Variants in MAP2 observed in about 807,000 individuals in gnomAD.
MAP2 encodes the protein microtubule associated protein 2.
MAP2 carries 14 observed loss-of-function variants against 137.6 expected under a neutral mutation model. The observed-to-expected ratio is 0.10, with a 90% CI of 0.07 to 0.16. MAP2 has a LOEUF of 0.16. Among genes scored for constraint, MAP2 ranks in the 10% least tolerant of loss-of-function variants. MAP2 has a pLI of 1.00. For missense variants in MAP2, 2,088 were observed against 2,191.5 expected, an observed-to-expected ratio of 0.95 and a Z score of 0.94; for synonymous variants, 786 against 782.3, an observed-to-expected ratio of 1.00 and a Z score of -0.08.
At chr2:209,427,336 A>C (rs1692833371) in intron 1 of MAP2, among the ~76,000 whole-genome samples, 1 of 149,684 alleles carries the variant, frequency 6.7e-6, no homozygotes, top group Non-Finnish European at 1.5e-5. Flanking sequence ...AACAGTTTTG[A>C]AACAATCTCA....
chr2:209,504,973 G>C (rs959297264), intron 1 of MAP2, among the ~76,000 whole-genome samples: 2 of 152,132 alleles, frequency 1.3e-5, no homozygotes, highest in Non-Finnish European at 2.9e-5. Context: ...CAGTCACTGA[G>C]TGTGTTGAAT....
intron 7 of MAP2, among the ~76,000 whole-genome samples, chr2:209,689,647 T>C (rs2153707233): frequency 6.6e-6 from 1 of 152,280 alleles, no homozygotes; most frequent in Admixed American, 6.5e-5. Context: ...TGGGGGGTGG[T>C]TATTTTGGCC....
chr2:209,575,434 T>C (rs1474967876), intron 2 of MAP2, among the ~76,000 whole-genome samples: 1 of 134,750 alleles, frequency 7.4e-6, no homozygotes, highest in Admixed American at 8.9e-5. Flanking sequence ...GGCAGGAGAA[T>C]GGCGTGAACC....
chr2:209,435,098 A>T (rs572871688), intron 1 of MAP2, among the ~76,000 whole-genome samples: 1 of 151,154 alleles, frequency 6.6e-6, no homozygotes, highest in Non-Finnish European at 1.5e-5. Flanking sequence ...AGGATTAATG[A>T]AAGAGCTTTA....
intron 4 of MAP2, among the ~76,000 whole-genome samples, chr2:209,626,951 TATATA>T (rs943329787): frequency 2.0e-5 from 3 of 152,176 alleles, no homozygotes; most frequent in Admixed American, 6.5e-5. Context: ...AAGTTTTTAA[TATATA>T]ATATCATGCC....
At chr2:209,716,536 AT>A (rs576199930) in intron 13 of MAP2, among the ~76,000 whole-genome samples, 2 of 151,956 alleles carry the variant, frequency 1.3e-5, no homozygotes, top group Non-Finnish European at 2.9e-5. Flanking sequence ...ATTTTTTGTG[AT>A]TTTTTTTAGC....
At chr2:209,480,251 C>T (rs1056671484) in intron 1 of MAP2, among the ~76,000 whole-genome samples, 1 of 152,070 alleles carries the variant, frequency 6.6e-6, no homozygotes, top group Non-Finnish European at 1.5e-5. Flanking sequence ...ATAATGTAGT[C>T]TACTAGACTA....
chr2:209,669,638 G>A (rs984259010), intron 5 of MAP2, among the ~76,000 whole-genome samples: 42 of 151,886 alleles, frequency 2.8e-4, no homozygotes, highest in Non-Finnish European at 5.9e-5. Context: ...CCTATGTTTT[G>A]CAGCTATAGA....
chr2:209,643,693 A>AT (rs5838178), intron 4 of MAP2, among the ~76,000 whole-genome samples: 34,282 of 152,034 alleles, frequency 0.23, 6,361 homozygotes, highest in African/African-American at 0.49. Flanking sequence ...TGTGAAGTAG[A>AT]TTTTTTTTAA....
chr2:209,721,281 G>A (rs1474590618), intron 13 of MAP2, among the ~76,000 whole-genome samples: 2 of 152,038 alleles, frequency 1.3e-5, no homozygotes, highest in Non-Finnish European at 2.9e-5. Flanking sequence ...GGTCTAGAGA[G>A]GCCAGTTACA....
intron 13 of MAP2, among the ~76,000 whole-genome samples, chr2:209,717,526 T>C (rs917838394): frequency 9.2e-5 from 14 of 152,214 alleles, no homozygotes; most frequent in African/African-American, 3.4e-4. Context: ...CCTTCAATTT[T>C]ATATTTAAGA....
chr2:209,718,521 C>T (rs565673823), intron 13 of MAP2, among the ~76,000 whole-genome samples: 2 of 151,972 alleles, frequency 1.3e-5, no homozygotes, highest in Admixed American at 6.6e-5. Context: ...TTTACAAATA[C>T]GTAAAAATGG....
intron 4 of MAP2, among the ~76,000 whole-genome samples, chr2:209,641,239 A>G (rs2094000114): frequency 6.6e-6 from 1 of 152,096 alleles, no homozygotes; most frequent in East Asian, 1.9e-4. Flanking sequence ...TCCAAAGAAG[A>G]TTTACTTTTA....
chr2:209,707,080 G>A (rs2063671842), intron 12 of MAP2, among the ~76,000 whole-genome samples: 1 of 152,116 alleles, frequency 6.6e-6, no homozygotes, highest in Non-Finnish European at 1.5e-5. Context: ...AAGGATGTAT[G>A]AGACAAGACA....
intron 1 of MAP2, among the ~76,000 whole-genome samples, chr2:209,480,240 A>G (rs1386172345): frequency 2.0e-5 from 3 of 152,172 alleles, no homozygotes. Context: ...TTTAGAATAT[A>G]ATAATGTAGT....
chr2:209,485,412 T>TA (rs1366773751), intron 1 of MAP2, among the ~76,000 whole-genome samples: 1 of 152,180 alleles, frequency 6.6e-6, no homozygotes, highest in East Asian at 1.9e-4. Flanking sequence ...AGTTTGGAAA[T>TA]AAAATACATG....
At chr2:209,672,827 A>G (rs777141899) in intron 5 of MAP2, among the ~76,000 whole-genome samples, 2 of 151,908 alleles carry the variant, frequency 1.3e-5, no homozygotes, top group Non-Finnish European at 2.9e-5. Flanking sequence ...ATGTTTATTC[A>G]TTAGTTAGGT....
chr2:209,637,303 C>T (rs532656113), intron 4 of MAP2, among the ~76,000 whole-genome samples: 31 of 151,998 alleles, frequency 2.0e-4, no homozygotes, highest in South Asian at 1.9e-3. Context: ...ATTAGCTGGG[C>T]GTGGTGGCAG....
Position 209,705,725 on chromosome 2 carries a change from C to T in MAP2, c.4730C>T (p.Thr1577Ile). The T allele has an allele frequency of 6.2e-7, 1 of 1,611,370 alleles. No individual in the cohort carries two copies. The highest frequency in any genetic ancestry group is 8.5e-7 in the Non-Finnish European group (1 of 1,178,470). ...SSISSSARRT[T>I]RSEPIRRAGK... The stretch of plus-strand genomic sequence containing the variant: ...ATCTCTTCTTCAGCACGGCGGACCA[C>T]CAGTAGGTTTATTTTGATTTGAATT... Residue 1577 changes from threonine (T) to isoleucine (I), a missense_variant and splice_region_variant, in exon 12 of 16, where the codon ACC becomes ATC. Coordinates refer to ENST00000682079, the MANE Select transcript of MAP2 (RefSeq NM_001375505.1).
Sources: allele counts gnomAD v4.1 joint callset (sites outside exome capture counted in the v4.1 genomes callset), GRCh38; gene constraint gnomAD v4.1.1; transcripts MANE v1.5; gene names NCBI Gene and HGNC (gene_info 2026-07-23, HGNC 2026-07-21).